Variants in AGAP1 observed in about 807,000 individuals in gnomAD.
AGAP1 encodes the protein arf-GAP with GTPase, ANK repeat and PH domain-containing protein 1.
In AGAP1, 29 loss-of-function variants were observed where a neutral mutation model predicts 105.3. The observed-to-expected ratio is 0.28, with a 90% CI of 0.21 to 0.38. The LOEUF is 0.38. Ranked by LOEUF, AGAP1 falls within the 10% of genes least tolerant of loss-of-function variation. The pLI, the probability that AGAP1 is intolerant of heterozygous loss-of-function variation, is 1.00. For synonymous variants in AGAP1, 509 were observed against 485.9 expected (o/e 1.05, Z -0.63); for missense variants, 998 against 1,165.1 (o/e 0.86, Z 2.09).
chr2:236,090,667 C>T lies in AGAP1; in HGVS notation c.2115-29525C>T, dbSNP rs1156679531. ...CAGGGAGGGGGTCTTCCTGGTTATACGGCCCAGCTTGCAAACATAATCCTT... is the reference window on the plus strand; with the variant it reads ...CAGGGAGGGGGTCTTCCTGGTTATATGGCCCAGCTTGCAAACATAATCCTT... On this transcript the variant is annotated intron_variant, in intron 16 of 17. Coordinates refer to ENST00000304032, the MANE Select transcript of AGAP1 (RefSeq NM_001037131.3). This position sits in a 1 kb window ranked among gnomAD's most constrained non-coding sequence, Gnocchi z 4.3. Among the ~76,000 whole-genome samples the T allele has an allele frequency of 2.6e-5, 4 of 152,148 alleles. No homozygotes were observed. The highest frequency in any genetic ancestry group is 2.1e-4 in the South Asian group (1 of 4,830).
At position 235,971,476 on chromosome 2, in the gene AGAP1, G is replaced by A. The variant is rs1006434526; in HGVS notation, c.1645+2853G>A. 7.2e-5 allele frequency among the ~76,000 whole-genome samples: 11 copies of A among 152,114 alleles called. No individual in the cohort carries two copies. Among genetic ancestry groups the A allele is most frequent in the African/African-American group, 1.4e-4 (6 of 41,452 alleles). On this transcript the variant is annotated intron_variant, in intron 13 of 17. Coordinates refer to ENST00000304032, the MANE Select transcript of AGAP1 (RefSeq NM_001037131.3). This position sits in a 1 kb window ranked among gnomAD's most constrained non-coding sequence, Gnocchi z 4.8. ...AGCACTTTGGGAGGCTGAGGCGGGC[G>A]GATCACGAGGTCAGGAGATCGAGAC...
At position 236,050,211 on chromosome 2, in the gene AGAP1, C is replaced by G. The variant is rs72973037; in HGVS notation, c.2114+930C>G. On this transcript the variant is annotated intron_variant, in intron 16 of 17. Transcript: ENST00000304032. This position sits in a 1 kb window ranked among gnomAD's most constrained non-coding sequence, Gnocchi z 4.0. ...TAATCTGTGGTTACGCCACAGAAAC[C>G]GGTTTCTACTGCAGAGCAGTAAGAA... Among the ~76,000 whole-genome samples the G allele has an allele frequency of 6.6e-6, 1 of 152,200 alleles. No individual in the cohort carries two copies. Among genetic ancestry groups the G allele is most frequent in the Admixed American group, 6.5e-5 (1 of 15,286 alleles).
At chr2:235,709,941 T>C (rs1950761203) in intron 2 of AGAP1, among the ~76,000 whole-genome samples, 1 of 152,226 alleles carries the variant, frequency 6.6e-6, no homozygotes, top group Non-Finnish European at 1.5e-5. Context: ...TATCTGTGTA[T>C]GTATGTATAT....
At chr2:235,735,568 A>T (rs1952199467) in intron 3 of AGAP1, among the ~76,000 whole-genome samples, 1 of 152,174 alleles carries the variant, frequency 6.6e-6, no homozygotes, top group Admixed American at 6.5e-5. Flanking sequence ...GAGGACTTAG[A>T]AAAAGGTATT....
intron 11 of AGAP1, among the ~76,000 whole-genome samples, chr2:235,928,855 G>A (rs2052580185): frequency 6.6e-6 from 1 of 152,200 alleles, no homozygotes. Flanking sequence ...CGCCAGCTCT[G>A]GGCTGCTCCT....
chr2:235,636,045 G>A (rs1946987904), intron 1 of AGAP1, among the ~76,000 whole-genome samples: 1 of 152,026 alleles, frequency 6.6e-6, no homozygotes, highest in South Asian at 2.1e-4. Flanking sequence ...CCCGGAAGGT[G>A]GAGGTTGCAG....
intron 1 of AGAP1, among the ~76,000 whole-genome samples, chr2:235,679,746 C>T (rs952452657): frequency 6.6e-6 from 1 of 152,192 alleles, no homozygotes; most frequent in East Asian, 1.9e-4. Flanking sequence ...AGAGCATTGC[C>T]TGGAAAGCAG....
intron 9 of AGAP1, among the ~76,000 whole-genome samples, chr2:235,815,780 G>A (rs949596341): frequency 2.0e-5 from 3 of 152,224 alleles, no homozygotes; most frequent in African/African-American, 4.8e-5. Flanking sequence ...TTCCTAAGTT[G>A]TGGTAAACTG....
intron 1 of AGAP1, among the ~76,000 whole-genome samples, chr2:235,677,456 A>G (rs1280470111): frequency 1.3e-5 from 2 of 152,170 alleles, no homozygotes; most frequent in Admixed American, 1.3e-4. Flanking sequence ...GGAAGGGAAA[A>G]TGACGGTTTC....
intron 1 of AGAP1, among the ~76,000 whole-genome samples, chr2:235,627,020 G>T (rs771386548): frequency 6.6e-6 from 1 of 152,080 alleles, no homozygotes; most frequent in African/African-American, 2.4e-5. Context: ...TTCACATAAC[G>T]TAAGTTTGAA....
At chr2:235,704,374 C>T (rs962194510) in intron 1 of AGAP1, among the ~76,000 whole-genome samples, 5 of 151,920 alleles carry the variant, frequency 3.3e-5, no homozygotes, top group African/African-American at 4.9e-5. Context: ...TGAGGCCGGG[C>T]GTGGTGGCTC....
chr2:236,115,015 C>G (rs527870880), intron 16 of AGAP1, among the ~76,000 whole-genome samples: 10 of 152,274 alleles, frequency 6.6e-5, no homozygotes, highest in African/African-American at 2.4e-4. Context: ...GACCTCTGGC[C>G]AAGAGCATCC....
chr2:235,939,442 G>T (rs961014676), intron 12 of AGAP1, among the ~76,000 whole-genome samples: 2 of 151,554 alleles, frequency 1.3e-5, no homozygotes, highest in African/African-American at 4.8e-5. Context: ...CTGTCCCAGC[G>T]GTTTCTCCCA....
rs942159202 is a variant in AGAP1, at chr2:235,631,015, G to A, written c.164-78164G>A. On this transcript the variant is annotated intron_variant, in intron 1 of 17. Coordinates refer to ENST00000304032, the MANE Select transcript of AGAP1 (RefSeq NM_001037131.3). This position sits in a 1 kb window ranked among gnomAD's most constrained non-coding sequence, Gnocchi z 5.4. ...ACACATTCTCTGGTAACTGTGAATCGTGTCGTAAAACGCGTCTTTGGCCTG... is the reference window on the plus strand; with the variant it reads ...ACACATTCTCTGGTAACTGTGAATCATGTCGTAAAACGCGTCTTTGGCCTG... Among the ~76,000 whole-genome samples the A allele has an allele frequency of 9.2e-5, 14 of 152,180 alleles. No individual in the cohort carries two copies. The highest frequency in any genetic ancestry group is 2.7e-4 in the African/African-American group (11 of 41,436).
At chr2:235,684,719 G>A (rs1239330876) in intron 1 of AGAP1, among the ~76,000 whole-genome samples, 2 of 152,204 alleles carry the variant, frequency 1.3e-5, no homozygotes, top group African/African-American at 2.4e-5. Context: ...TATGAGGGAA[G>A]CTACTGTTTA....
chr2:235,836,286 C>T (rs989722972), intron 9 of AGAP1, among the ~76,000 whole-genome samples: 31 of 152,256 alleles, frequency 2.0e-4, no homozygotes, highest in African/African-American at 7.0e-4. Flanking sequence ...AAAGGTACAG[C>T]GATCAAAAGC....
rs188230004 is a variant in AGAP1, at chr2:236,076,135, A to G, written c.2114+26854A>G. Among the ~76,000 whole-genome samples the G allele has an allele frequency of 1.5e-3, 226 of 152,296 alleles. No individual in the cohort carries two copies. The highest frequency in any genetic ancestry group is 0.014 in the Middle Eastern group (4 of 292). ...GAATTGAAAGTCAGATTGGTTTCAC[A>G]AGAGAATATTGTGGAGTTTTTTAAA... On this transcript the variant is annotated intron_variant, in intron 16 of 17. Transcript: ENST00000304032. The surrounding 1 kb of genome is among the most constrained non-coding windows in gnomAD (Gnocchi z 4.4).
chr2:235,872,054 A>G lies in AGAP1; in HGVS notation c.1051-11291A>G, dbSNP rs2049472730. Among the ~76,000 whole-genome samples the G allele has an allele frequency of 6.6e-6, 1 of 152,138 alleles. No homozygotes were observed. The highest frequency in any genetic ancestry group is 1.5e-5 in the Non-Finnish European group (1 of 68,038). On this transcript the variant is annotated intron_variant, in intron 9 of 17. Coordinates refer to ENST00000304032, the MANE Select transcript of AGAP1 (RefSeq NM_001037131.3). The surrounding 1 kb of genome is among the most constrained non-coding windows in gnomAD (Gnocchi z 4.5). ...CGTCGTGGATATCAGTTGTGATTGC[A>G]GTTGATGAAATATGCAGTTGTGAAT...
rs2059355047 is a variant in AGAP1, at chr2:236,101,886, C to G, written c.2115-18306C>G. On this transcript the variant is annotated intron_variant, in intron 16 of 17. Transcript: ENST00000304032. This position sits in a 1 kb window ranked among gnomAD's most constrained non-coding sequence, Gnocchi z 4.9. ...TCACATTTTTTCTAATGGTGAAGTA[C>G]AGAAACTTCCATTCTGTGTGTGACT... 6.6e-6 allele frequency among the ~76,000 whole-genome samples: 1 copy of G among 152,222 alleles called. No individual in the cohort carries two copies. Among genetic ancestry groups the G allele is most frequent in the South Asian group, 2.1e-4 (1 of 4,838 alleles).
Sources: gnomAD v4.1 joint callset for allele counts (sites outside exome capture counted in the v4.1 genomes callset) on GRCh38, gnomAD v4.1.1 for gene constraint, Gnocchi (gnomAD v3.1) non-coding constraint, MANE v1.5 for transcripts, NCBI Gene and HGNC (gene_info 2026-07-23, HGNC 2026-07-21) for gene names.